The following SLC2A12 variants were observed in gnomAD, a reference collection of about 807,000 sequenced individuals.
SLC2A12 encodes solute carrier family 2 member 12, also known as solute carrier family 2, facilitated glucose transporter member 12.
In SLC2A12, 23 loss-of-function variants were observed where a neutral mutation model predicts 41.8. The ratio of observed to expected loss-of-function variants is 0.55; its 90% CI spans 0.40 to 0.78. The LOEUF is 0.78. Ranked by LOEUF, SLC2A12 falls within the 30% of genes least tolerant of loss-of-function variation. The pLI is 0.00. For synonymous variants in SLC2A12, 295 were observed against 285.9 expected, an observed-to-expected ratio of 1.03 and a Z score of -0.32; for missense variants, 654 against 745.6, an observed-to-expected ratio of 0.88 and a Z score of 1.43.
chr6:134,042,144 T>C (rs903884927), intron 1 of SLC2A12, among the ~76,000 whole-genome samples: 1 of 152,236 alleles, frequency 6.6e-6, no homozygotes. Flanking sequence ...TCAATAAATA[T>C]AAAACTGCGA....
chr6:134,021,275 A>G (rs1296775581), intron 2 of SLC2A12, among the ~76,000 whole-genome samples: 1 of 152,204 alleles, frequency 6.6e-6, no homozygotes, highest in Admixed American at 6.5e-5. Context: ...CTATGTCTGC[A>G]TCGTATTTTT....
At chr6:134,027,295 C>T (rs577910252) in intron 2 of SLC2A12, among the ~76,000 whole-genome samples, 22 of 152,334 alleles carry the variant, frequency 1.4e-4, no homozygotes, top group South Asian at 1.2e-3. Flanking sequence ...GAAACCCTGT[C>T]CAGTACCTAG....
At chr6:134,010,608 T>C (rs1776867301) in intron 2 of SLC2A12, among the ~76,000 whole-genome samples, 1 of 152,162 alleles carries the variant, frequency 6.6e-6, no homozygotes, top group Middle Eastern at 3.2e-3. Context: ...GGAGGAAGTT[T>C]TGGACTTGTG....
At chr6:134,027,733 C>T (rs1777134059) in intron 2 of SLC2A12, among the ~76,000 whole-genome samples, 1 of 152,144 alleles carries the variant, frequency 6.6e-6, no homozygotes, top group Admixed American at 6.5e-5. Context: ...GGTGTTTATA[C>T]TTTGTCATTA....
In SLC2A12 at chr6:134,028,813, C is replaced by T; in HGVS notation, c.1012G>A (p.Val338Ile). ...VISTIPATLL[V>I]DHVGSKTFLC... ...AATGTTTTGCTGCCGACATGGTCTA[C>T]AAGAAGAGTGGCAGGGATGGTGCTA... Residue 338 changes from valine to isoleucine, a missense_variant, in exon 2 of 5, where the codon GTA becomes ATA. Val to Ile is a conservative substitution (Grantham distance 29, BLOSUM62 3). Coordinates refer to ENST00000275230, the MANE Select transcript of SLC2A12 (RefSeq NM_145176.3). 1 of 1,614,180 alleles carries T rather than the reference C, an allele frequency of 6.2e-7. No homozygotes were observed. Among genetic ancestry groups the T allele is most frequent in the Non-Finnish European group, 8.5e-7 (1 of 1,180,036 alleles).
At chr6:134,018,080 A>G (rs932796985) in intron 2 of SLC2A12, among the ~76,000 whole-genome samples, 1 of 149,278 alleles carries the variant, frequency 6.7e-6, no homozygotes, top group Non-Finnish European at 1.5e-5. Flanking sequence ...AGGGAGGGAA[A>G]GAAGACCACA....
chr6:134,033,044 T>C (rs1167835235), intron 1 of SLC2A12, among the ~76,000 whole-genome samples: 1 of 151,762 alleles, frequency 6.6e-6, no homozygotes, highest in Non-Finnish European at 1.5e-5. Context: ...AAGTTCTCAT[T>C]ATGTTTTAGG....
Position 134,046,885 on chromosome 6 carries a change from GA to G in SLC2A12, c.103+5492del, listed in dbSNP as rs1204451937. The stretch of plus-strand genomic sequence containing the variant: ...AAATAAGTGTGCTACAACATGGGAA[GA>G]AAAATGATACCAGTGTGCAAAGGCA... On this transcript the variant is annotated intron_variant, in intron 1 of 4. Transcript: ENST00000275230. 3.2e-4 allele frequency among the ~76,000 whole-genome samples: 48 copies of G among 152,018 alleles called. 2 individuals carry two copies. The East Asian group carries it at 9.1e-3, about 29-fold the overall frequency.
At chr6:133,995,501 G>T (rs1425631268) in intron 4 of SLC2A12, among the ~76,000 whole-genome samples, 1 of 152,144 alleles carries the variant, frequency 6.6e-6, no homozygotes, top group Non-Finnish European at 1.5e-5. Context: ...GAGGAAATGA[G>T]GAGGTTTCCA....
chr6:134,052,378 C>T lies in SLC2A12; in HGVS notation c.103G>A (p.Gly35Ser). 1.9e-6 allele frequency: 3 copies of T among 1,611,808 alleles called. No homozygotes were observed. Among genetic ancestry groups the T allele is most frequent in the East Asian group, 4.5e-5 (2 of 44,880 alleles). The change falls in exon 1 of 5, where the codon GGC becomes AGC. Residue 35 changes from glycine (G) to serine (S), a missense_variant and splice_region_variant. By Grantham distance (56) the Gly-to-Ser change is moderately conservative. This residue lies in a region of SLC2A12 where 109 missense variants were observed against 153.0 expected (regional missense o/e 0.71). Coordinates refer to ENST00000275230, the MANE Select transcript of SLC2A12 (RefSeq NM_145176.3). The stretch of plus-strand genomic sequence containing the variant: ...CCCGAGCACTGCAGGCTCACTTTAC[C>T]TCTCGCCCAGGGAGGATGCCGGCTG... Reference protein sequence around the residue: ...SGSRHPPWARGCGMFTFLSSV... With the variant: ...SGSRHPPWARSCGMFTFLSSV...
At chr6:134,049,685 G>C (rs1287402278) in intron 1 of SLC2A12, among the ~76,000 whole-genome samples, 1 of 152,160 alleles carries the variant, frequency 6.6e-6, no homozygotes, top group Non-Finnish European at 1.5e-5. Context: ...TAACCACTTT[G>C]AGTCATAGCT....
At chr6:134,003,767 G>A (rs1166207397) in intron 3 of SLC2A12, among the ~76,000 whole-genome samples, 4 of 152,104 alleles carry the variant, frequency 2.6e-5, no homozygotes, top group African/African-American at 7.2e-5. Context: ...TGGCCCTCTC[G>A]AGATGTTTTA....
chr6:134,028,775 G>C lies in SLC2A12; in HGVS notation c.1050C>G (p.Gly350=). 2.5e-6 allele frequency: 4 copies of C among 1,614,234 alleles called. No homozygotes were observed. The highest frequency in any genetic ancestry group is 2.5e-6 in the Non-Finnish European group (3 of 1,180,038). ...HVGSKTFLCI[G]SSVMAASLVT... is the part of the protein sequence containing the mutation. Reference sequence around the variant, plus strand: ...CCAACGAAGCTGCCATCACAGAGGAGCCAATGCAGAGGAATGTTTTGCTGC... The same window carrying C: ...CCAACGAAGCTGCCATCACAGAGGACCCAATGCAGAGGAATGTTTTGCTGC... The change falls in exon 2 of 5, where the codon GGC becomes GGG. Residue 350 remains glycine, a synonymous_variant. Transcript: ENST00000275230.
chr6:133,994,269 T>G (rs1391269416), intron 4 of SLC2A12, among the ~76,000 whole-genome samples: 1 of 152,168 alleles, frequency 6.6e-6, no homozygotes, highest in East Asian at 1.9e-4. Context: ...GTGAGTAGAA[T>G]AGGTTTGAGA....
chr6:134,025,125 G>A lies in SLC2A12; in HGVS notation c.1444+3256C>T, dbSNP rs576864427. Among the ~76,000 whole-genome samples, 3 of 152,274 alleles carry A rather than the reference G, an allele frequency of 2.0e-5. No individual in the cohort carries two copies. In the South Asian group the frequency reaches 6.2e-4, roughly 32 times the overall value. ...ATGCACAATGGTCCATTAGTATCCT[G>A]ATGGATGGACAATGGTACACTATTT... On this transcript the variant is annotated intron_variant, in intron 2 of 4. Coordinates refer to ENST00000275230, the MANE Select transcript of SLC2A12 (RefSeq NM_145176.3).
chr6:134,034,445 A>T (rs1219171389), intron 1 of SLC2A12, among the ~76,000 whole-genome samples: 3 of 152,146 alleles, frequency 2.0e-5, no homozygotes, highest in African/African-American at 7.2e-5. Context: ...AATTCACTGT[A>T]TAAGGCTAGT....
Position 134,029,788 on chromosome 6 carries a change from G to C in SLC2A12, c.104-67C>G, listed in dbSNP as rs74317361. On this transcript the variant is annotated intron_variant, in intron 1 of 4. Coordinates refer to ENST00000275230, the MANE Select transcript of SLC2A12 (RefSeq NM_145176.3). ...GAGATTTTAAACATTTTGTATTTGAGCGGAGATTTAACCTTGTAGAAGTCT... is the reference window on the plus strand; with the variant it reads ...GAGATTTTAAACATTTTGTATTTGACCGGAGATTTAACCTTGTAGAAGTCT... 4.9e-3 allele frequency: 7,398 copies of C among 1,513,728 alleles called. 273 individuals carry two copies. In the African/African-American group the frequency reaches 0.084, roughly 17 times the overall value. The allele number at this position is 1,513,728 out of a possible 1,614,324, so 93.8% of individuals were successfully genotyped here.
intron 1 of SLC2A12, among the ~76,000 whole-genome samples, chr6:134,042,687 G>A (rs1777398803): frequency 1.3e-5 from 2 of 152,068 alleles, no homozygotes; most frequent in African/African-American, 4.8e-5. Flanking sequence ...ACTCCTGGCT[G>A]GGTTAGGTGG....
At chr6:134,048,555 C>T (rs771748686) in intron 1 of SLC2A12, among the ~76,000 whole-genome samples, 5 of 152,004 alleles carry the variant, frequency 3.3e-5, no homozygotes, top group South Asian at 2.1e-4. Flanking sequence ...GGTGACAGAG[C>T]GAGACTTCAT....
Sources: allele counts gnomAD v4.1 joint callset (sites outside exome capture counted in the v4.1 genomes callset), GRCh38; gene constraint gnomAD v4.1.1; regional missense constraint gnomAD v4.1.1; transcripts MANE v1.5; gene names NCBI Gene and HGNC (gene_info 2026-07-23, HGNC 2026-07-21).